The following PGCKA1 variants were observed in gnomAD, a reference collection of about 807,000 sequenced individuals.
PGCKA1 encodes the protein PDCD10 and GCKIII kinases associated 1.
chr4:37,549,696 C>T, the PGCKA1 span, among the ~76,000 whole-genome samples: 1 of 152,156 alleles, frequency 6.6e-6, no homozygotes, highest in Non-Finnish European at 1.5e-5. Context: ...ATCAGAGAGC[C>T]CAGATAAACA....
the PGCKA1 span, among the ~76,000 whole-genome samples, chr4:37,504,729 C>A: frequency 6.6e-6 from 1 of 151,928 alleles, no homozygotes; most frequent in Non-Finnish European, 1.5e-5. Context: ...GATTGTTCAC[C>A]GTTGGCACAC....
At chr4:37,564,661 C>G in the PGCKA1 span, among the ~76,000 whole-genome samples, 1 of 152,044 alleles carries the variant, frequency 6.6e-6, no homozygotes, top group African/African-American at 2.4e-5. Context: ...TGTCTGCCAC[C>G]ATGACCAGCT....
chr4:37,512,941 A>G, the PGCKA1 span, among the ~76,000 whole-genome samples: 1 of 152,068 alleles, frequency 6.6e-6, no homozygotes, highest in Admixed American at 6.5e-5. Flanking sequence ...ATACAAAATC[A>G]GCTGGGCGTA....
the PGCKA1 span, among the ~76,000 whole-genome samples, chr4:37,478,155 G>A: frequency 0.056 from 3,902 of 70,084 alleles, 197 homozygotes; most frequent in East Asian, 0.19. Context: ...CCCCCCCACC[G>A]CCACTTACTT....
At chr4:37,460,705 G>A in the PGCKA1 span, 1 of 377,388 alleles carries the variant, frequency 2.6e-6, no homozygotes, top group East Asian at 8.3e-5. Flanking sequence ...TTGTAAATTT[G>A]TTTAAGTTCC....
the PGCKA1 span, among the ~76,000 whole-genome samples, chr4:37,544,487 G>A: frequency 3.5e-5 from 5 of 143,964 alleles, no homozygotes; most frequent in Admixed American, 3.7e-4. Context: ...GATACTGGAT[G>A]TCCTGGATTG....
chr4:37,499,788 T>TCTCA, the PGCKA1 span, among the ~76,000 whole-genome samples: 1 of 152,108 alleles, frequency 6.6e-6, no homozygotes, highest in Non-Finnish European at 1.5e-5. Context: ...GTTTTTCATC[T>TCTCA]CTCAATCTTC....
chr4:37,570,541 C>G, the PGCKA1 span, among the ~76,000 whole-genome samples: 97 of 150,662 alleles, frequency 6.4e-4, no homozygotes, highest in Admixed American at 2.9e-3. Context: ...CTAGTTTCTT[C>G]TATAAAGGCA....
chr4:37,509,218 C>T, the PGCKA1 span, among the ~76,000 whole-genome samples: 1 of 142,754 alleles, frequency 7.0e-6, no homozygotes, highest in Non-Finnish European at 1.5e-5. Context: ...GGGTGGCGGC[C>T]AGGCAGAGGG....
the PGCKA1 span, chr4:37,590,529 G>A: frequency 6.8e-6 from 11 of 1,614,200 alleles, no homozygotes; most frequent in South Asian, 1.2e-4. Context: ...CCCAAGTCAT[G>A]AGAAATGGAG....
chr4:37,521,932 A>G, the PGCKA1 span, among the ~76,000 whole-genome samples: 1 of 152,198 alleles, frequency 6.6e-6, no homozygotes, highest in Non-Finnish European at 1.5e-5. Flanking sequence ...CTTTATCTTT[A>G]TGTAGTGACC....
At chr4:37,538,669 G>T in the PGCKA1 span, among the ~76,000 whole-genome samples, 5 of 152,328 alleles carry the variant, frequency 3.3e-5, no homozygotes, top group East Asian at 9.6e-4. Flanking sequence ...TTCCCTGGAG[G>T]TGTGAATTTG....
chr4:37,490,514 C>T, the PGCKA1 span, among the ~76,000 whole-genome samples: 1 of 151,982 alleles, frequency 6.6e-6, no homozygotes, highest in Non-Finnish European at 1.5e-5. Flanking sequence ...TTCTTTGTCC[C>T]CTGCCAGGTT....
the PGCKA1 span, among the ~76,000 whole-genome samples, chr4:37,512,859 G>C: frequency 0.51 from 77,499 of 151,344 alleles, 20,151 homozygotes; most frequent in African/African-American, 0.6. Context: ...GAGGCCGAAG[G>C]GGGCAGATCA....
At chr4:37,485,219 A>T in the PGCKA1 span, among the ~76,000 whole-genome samples, 11 of 152,120 alleles carry the variant, frequency 7.2e-5, no homozygotes, top group Admixed American at 5.9e-4. Context: ...GGTATTGTTT[A>T]TGTTAAGGAA....
the PGCKA1 span, among the ~76,000 whole-genome samples, chr4:37,560,020 C>T: frequency 6.6e-6 from 1 of 152,196 alleles, no homozygotes; most frequent in African/African-American, 2.4e-5. Context: ...TATCTGGGGA[C>T]TTCCCAGTGG....
chr4:37,523,067 C>G, the PGCKA1 span, among the ~76,000 whole-genome samples: 4 of 152,122 alleles, frequency 2.6e-5, no homozygotes, highest in Non-Finnish European at 4.4e-5. Flanking sequence ...AGTTTCAGTC[C>G]TTATGGCCTA....
chr4:37,525,173 G>A, the PGCKA1 span, among the ~76,000 whole-genome samples: 1 of 152,182 alleles, frequency 6.6e-6, no homozygotes, highest in African/African-American at 2.4e-5. Context: ...AAATGAAGGA[G>A]TGGCTACCTG....
At chr4:37,530,811 T>C in the PGCKA1 span, among the ~76,000 whole-genome samples, 2 of 151,900 alleles carry the variant, frequency 1.3e-5, no homozygotes. Flanking sequence ...GCCCCCCGTC[T>C]CCACTAAAAA....
Sources: allele counts gnomAD v4.1 joint callset (sites outside exome capture counted in the v4.1 genomes callset), GRCh38; gene constraint gnomAD v4.1.1; transcripts MANE v1.5; gene names NCBI Gene and HGNC (gene_info 2026-07-23, HGNC 2026-07-21).